The following ZNF623 variants were observed in gnomAD, a reference collection of about 807,000 sequenced individuals.
ZNF623 encodes zinc finger protein 623.
ZNF623 carries 16 observed loss-of-function variants against 24.0 expected under a neutral mutation model. The observed-to-expected ratio is 0.67, with a 90% CI of 0.45 to 1.01. ZNF623 has a LOEUF of 1.01. ZNF623 is among the 50% of genes least tolerant of loss of function. ZNF623 has a pLI of 0.00. For synonymous variants in ZNF623, 224 were observed against 219.8 expected (o/e 1.02, Z -0.17); for missense variants, 566 against 606.5 (o/e 0.93, Z 0.70).
Position 143,650,709 on chromosome 8 carries a change from T to G in ZNF623, c.717T>G (p.Ile239Met), listed in dbSNP as rs748301638. 1 of 1,613,550 alleles carries G rather than the reference T, an allele frequency of 6.2e-7. No individual in the cohort carries two copies. Among genetic ancestry groups the G allele is most frequent in the South Asian group, 1.1e-5 (1 of 91,058 alleles). The change falls in exon 2 of 2, where the codon ATT becomes ATG. Residue 239 changes from isoleucine (I) to methionine (M), a missense_variant. Transcript: ENST00000526926. The surrounding 1 kb of genome is among the most constrained non-coding windows in gnomAD (Gnocchi z 5.2). ...CCTTCATAAGGAGCTCGAGCCTCATTCGCCATTATCAGATCCACACAGAAG... is the reference window on the plus strand; with the variant it reads ...CCTTCATAAGGAGCTCGAGCCTCATGCGCCATTATCAGATCCACACAGAAG... ...GKSFIRSSSLIRHYQIHTEVK... is the reference protein window; with the variant it reads ...GKSFIRSSSLMRHYQIHTEVK...
rs532317839 is a variant in ZNF623 at position 143,637,591 on chromosome 8, C to T, written c.-96+1446C>T. 1.2e-4 allele frequency among the ~76,000 whole-genome samples: 18 copies of T among 152,220 alleles called. No homozygotes were observed. The South Asian group carries it at 3.7e-3, about 32-fold the overall frequency. On this transcript the variant is annotated intron_variant, in intron 1 of 1. Transcript: ENST00000526926. ...TTGAGACGGAGTCTTGCTCTGTCGC[C>T]CAGGCTGGAGTGCAGTGGCATGATC...
intron 1 of ZNF623, among the ~76,000 whole-genome samples, chr8:143,646,278 A>G (rs1253038934): frequency 3.3e-5 from 5 of 152,192 alleles, no homozygotes; most frequent in Admixed American, 3.3e-4. Flanking sequence ...CCTGGCCTCA[A>G]GTAGTCCTCC....
intron 1 of ZNF623, 165 bp downstream of exon 1, chr8:143,636,310 G>C (rs1429005132): frequency 6.6e-6 from 1 of 152,218 alleles, no homozygotes; most frequent in East Asian, 1.9e-4. Context: ...GCCTTGGCTA[G>C]TCAGTCTCCC....
chr8:143,639,135 G>T (rs1391904700), intron 1 of ZNF623, among the ~76,000 whole-genome samples: 2 of 151,882 alleles, frequency 1.3e-5, no homozygotes, highest in Non-Finnish European at 2.9e-5. Flanking sequence ...CAGGTGATCT[G>T]CCTGCCTCGG....
chr8:143,644,302 G>A (rs1449098278), intron 1 of ZNF623, among the ~76,000 whole-genome samples: 1 of 152,188 alleles, frequency 6.6e-6, no homozygotes, highest in Admixed American at 6.5e-5. Context: ...ACAGGCATGA[G>A]CCGCTGTACC....
rs761880234 is a variant in ZNF623, at chr8:143,652,920, A to T, written c.*1437A>T. 3 of 167,122 alleles carry T rather than the reference A, an allele frequency of 1.8e-5. No individual in the cohort carries two copies. The highest frequency in any genetic ancestry group is 2.9e-5 in the Non-Finnish European group (2 of 68,144). The allele number at this position is 167,122 out of a possible 1,614,324, so 10.4% of individuals were successfully genotyped here. A position where few individuals can be genotyped will look rare whatever the true frequency, so the allele number is the denominator to read the frequency against. On this transcript the variant is annotated 3_prime_UTR_variant, in exon 2 of 2. Transcript: ENST00000526926. The stretch of plus-strand genomic sequence containing the variant: ...ACTACCCTGAAGTCATCCACCGTGT[A>T]GTGGGGAAGACGGAGATCACAGTAG...
rs1370988010 is a variant in ZNF623, at chr8:143,650,863, A to T, written c.871A>T (p.Ser291Cys). ...TGAGTGTGGGAAAGCCTTTATTCGGAGTTCAAAGCTCATTCAGCATCAGAG... is the reference window on the plus strand; with the variant it reads ...TGAGTGTGGGAAAGCCTTTATTCGGTGTTCAAAGCTCATTCAGCATCAGAG... The part of the protein sequence containing the change: ...CNECGKAFIR[S>C]SKLIQHQRIH... Residue 291 changes from serine (S) to cysteine (C), a missense_variant, in exon 2 of 2, where the codon AGT (serine) becomes TGT (cysteine). By Grantham distance (112) the Ser-to-Cys change is moderately radical (BLOSUM62 -1). This residue lies in a region of ZNF623 where 117 missense variants were observed against 174.2 expected (regional missense o/e 0.67). Coordinates refer to ENST00000526926, the MANE Select transcript of ZNF623 (RefSeq NM_001261843.2). This position sits in a 1 kb window ranked among gnomAD's most constrained non-coding sequence, Gnocchi z 5.2. 1 of 1,614,194 alleles carries T rather than the reference A, an allele frequency of 6.2e-7. No homozygotes were observed. Among genetic ancestry groups the T allele is most frequent in the Non-Finnish European group, 8.5e-7 (1 of 1,180,042 alleles).
chr8:143,646,858 A>C (rs1323441175), intron 1 of ZNF623, among the ~76,000 whole-genome samples: 1 of 151,906 alleles, frequency 6.6e-6, no homozygotes, highest in African/African-American at 2.4e-5. Context: ...TAGAGATGGG[A>C]TCTTTCTACC....
Position 143,651,682 on chromosome 8 carries a change from A to G in ZNF623, c.*199A>G. The G allele has an allele frequency of 1.8e-6, 1 of 550,546 alleles. No individual in the cohort carries two copies. Among genetic ancestry groups the G allele is most frequent in the Non-Finnish European group, 3.2e-6 (1 of 312,870 alleles). The allele number at this position is 550,546 out of a possible 1,614,324, so 34.1% of individuals were successfully genotyped here. The stretch of plus-strand genomic sequence containing the variant: ...TGTGAGCACTGTCCTCAGGAGAGTC[A>G]CAGGGCTTGACACCTGACTCTGAGC... On this transcript the variant is annotated 3_prime_UTR_variant, in exon 2 of 2. Coordinates refer to ENST00000526926, the MANE Select transcript of ZNF623 (RefSeq NM_001261843.2).
intron 1 of ZNF623, among the ~76,000 whole-genome samples, chr8:143,640,465 A>G (rs573879740): frequency 2.0e-5 from 3 of 152,212 alleles, no homozygotes; most frequent in Non-Finnish European, 4.4e-5. Flanking sequence ...GTTCGCTAGT[A>G]TTTTACCCAA....
chr8:143,646,701 G>T (rs1418711227), intron 1 of ZNF623, among the ~76,000 whole-genome samples: 1 of 152,080 alleles, frequency 6.6e-6, no homozygotes, highest in Admixed American at 6.6e-5. Flanking sequence ...GTTTTGCTCT[G>T]TCACCCAGGC....
chr8:143,650,869 A>G lies in ZNF623; in HGVS notation c.877A>G (p.Lys293Glu). 1 of 1,614,004 alleles carries G rather than the reference A, an allele frequency of 6.2e-7. No individual in the cohort carries two copies. The highest frequency in any genetic ancestry group is 8.5e-7 in the Non-Finnish European group (1 of 1,179,984). The part of the protein sequence containing the change: ...ECGKAFIRSS[K>E]LIQHQRIHTG... ...TGGGAAAGCCTTTATTCGGAGTTCAAAGCTCATTCAGCATCAGAGGATCCA... is the reference window on the plus strand; with the variant it reads ...TGGGAAAGCCTTTATTCGGAGTTCAGAGCTCATTCAGCATCAGAGGATCCA... Residue 293 changes from lysine to glutamate, a missense_variant, in exon 2 of 2, where the codon AAG (lysine) becomes GAG (glutamate). Transcript: ENST00000526926. This position sits in a 1 kb window ranked among gnomAD's most constrained non-coding sequence, Gnocchi z 5.2.
chr8:143,649,011 C>T (rs183423506), intron 1 of ZNF623, among the ~76,000 whole-genome samples: 1 of 152,192 alleles, frequency 6.6e-6, no homozygotes, highest in Admixed American at 6.5e-5. Flanking sequence ...GATGTGGTGG[C>T]TCACGTCTGT....
chr8:143,647,036 G>A (rs573779989), intron 1 of ZNF623, among the ~76,000 whole-genome samples: 95 of 152,232 alleles, frequency 6.2e-4, no homozygotes, highest in African/African-American at 1.9e-3. Flanking sequence ...GTCACATCTC[G>A]CAGTCGATGG....
Position 143,650,659 on chromosome 8 carries a change from T to C in ZNF623, c.667T>C (p.Tyr223His), listed in dbSNP as rs1314942868. 1.2e-6 allele frequency: 2 copies of C among 1,613,996 alleles called. No individual in the cohort carries two copies. Among genetic ancestry groups the C allele is most frequent in the Non-Finnish European group, 1.7e-6 (2 of 1,180,026 alleles). Residue 223 changes from tyrosine to histidine, a missense_variant, in exon 2 of 2, where the codon TAT (tyrosine) becomes CAT (histidine). Tyr to His is a moderately conservative substitution (Grantham distance 83). Transcript: ENST00000526926. This position sits in a 1 kb window ranked among gnomAD's most constrained non-coding sequence, Gnocchi z 5.2. Reference sequence around the variant, plus strand: ...GAGGATTCACACGGGAGAAAGGCCCTATGAGTGCAATGAATGTGGGAAATC... The same window carrying C: ...GAGGATTCACACGGGAGAAAGGCCCCATGAGTGCAATGAATGTGGGAAATC... Reference protein sequence around the residue: ...HQRIHTGERPYECNECGKSFI... With the variant: ...HQRIHTGERPHECNECGKSFI...
intron 1 of ZNF623, among the ~76,000 whole-genome samples, chr8:143,637,268 G>A (rs1420951622): frequency 1.3e-5 from 2 of 152,238 alleles, no homozygotes; most frequent in Non-Finnish European, 2.9e-5. Context: ...AGATGTTAGT[G>A]GAGCTCTAGT....
chr8:143,649,105 G>T (rs1280469336), intron 1 of ZNF623, among the ~76,000 whole-genome samples: 1 of 151,812 alleles, frequency 6.6e-6, no homozygotes, highest in South Asian at 2.1e-4. Flanking sequence ...GTAAAACCCC[G>T]TCTCTACTAA....
chr8:143,644,287 G>T (rs529879776), intron 1 of ZNF623, among the ~76,000 whole-genome samples: 1 of 152,144 alleles, frequency 6.6e-6, no homozygotes, highest in Non-Finnish European at 1.5e-5. Flanking sequence ...CAAAGTGTTG[G>T]GATTACAGGC....
intron 1 of ZNF623, among the ~76,000 whole-genome samples, chr8:143,636,736 G>A (rs185239429): frequency 3.3e-5 from 5 of 152,316 alleles, no homozygotes; most frequent in African/African-American, 9.6e-5. Context: ...TGGACCTGGA[G>A]AATTCCCAGA....
Sources: allele counts gnomAD v4.1 joint callset (sites outside exome capture counted in the v4.1 genomes callset), GRCh38; gene constraint gnomAD v4.1.1; regional missense constraint gnomAD v4.1.1; non-coding constraint Gnocchi (gnomAD v3.1); transcripts MANE v1.5; gene names NCBI Gene and HGNC (gene_info 2026-07-23, HGNC 2026-07-21).